Variants in SAMD5 observed in about 807,000 individuals in gnomAD.
SAMD5 encodes sterile alpha motif domain-containing protein 5.
A neutral mutation model predicts 11.3 loss-of-function variants in SAMD5; 13 were observed. That is an observed-to-expected ratio of 1.15 (90% CI 0.75 to 1.83). SAMD5 has a LOEUF of 1.83. Among genes scored for constraint, SAMD5 ranks in the 40% most tolerant of loss-of-function variants. The probability of loss-of-function intolerance (pLI) is 0.00; values close to 1 mark genes in which losing one functional copy is unlikely to be tolerated. For missense variants in SAMD5, 255 were observed against 239.1 expected (o/e 1.07, Z -0.44); for synonymous variants, 129 against 111.3 (o/e 1.16, Z -1.00).
At chr6:147,795,758 C>G in the SAMD5 span, among the ~76,000 whole-genome samples, 10,762 of 148,924 alleles carry the variant, frequency 0.072, 516 homozygotes, top group African/African-American at 0.14. Context: ...GATTGCCATT[C>G]TAACTGGTGT....
intron 1 of SAMD5, among the ~76,000 whole-genome samples, chr6:147,671,088 T>C (rs1790788266): frequency 6.6e-6 from 1 of 152,100 alleles, no homozygotes; most frequent in Admixed American, 6.6e-5. Context: ...CTCAGTGAAA[T>C]AGAGAGGCTT....
chr6:147,764,716 T>C, the SAMD5 span, among the ~76,000 whole-genome samples: 6 of 152,222 alleles, frequency 3.9e-5, no homozygotes, highest in East Asian at 1.9e-4. Context: ...ATTTTTCTTA[T>C]ATATAAAAAC....
At chr6:147,802,877 C>T in the SAMD5 span, among the ~76,000 whole-genome samples, 1 of 152,138 alleles carries the variant, frequency 6.6e-6, no homozygotes, top group South Asian at 2.1e-4. Context: ...GGGTGATTGC[C>T]TTTTGTGGAC....
chr6:147,808,083 T>C, the SAMD5 span, among the ~76,000 whole-genome samples: 2,183 of 152,332 alleles, frequency 0.014, 23 homozygotes, highest in Middle Eastern at 0.065. Context: ...CTAGACAAGC[T>C]GGTAGCATCA....
chr6:147,610,065 G>A (rs926792632), intron 1 of SAMD5, among the ~76,000 whole-genome samples: 6 of 152,140 alleles, frequency 3.9e-5, no homozygotes, highest in Non-Finnish European at 7.3e-5. Context: ...GCTGTGTGCT[G>A]TGCTCTATAA....
chr6:147,805,344 A>G, the SAMD5 span, among the ~76,000 whole-genome samples: 1 of 152,208 alleles, frequency 6.6e-6, no homozygotes, highest in African/African-American at 2.4e-5. Flanking sequence ...GTCTTTTTCA[A>G]TGTCACTCAT....
rs1041426455 is a variant in SAMD5 at position 147,724,745 on chromosome 6, A to G, written c.163-12572A>G. Among the ~76,000 whole-genome samples, 4 of 152,284 alleles carry G rather than the reference A, an allele frequency of 2.6e-5. No individual in the cohort carries two copies. In the East Asian group the frequency reaches 7.7e-4, roughly 29 times the overall value. ...AACAGCCTATTTGCAGTGTTGAAAA[A>G]AAATCAATTTTCATCTTCAAAAGAT... On this transcript the variant is annotated intron_variant, in intron 1 of 1. Transcript: ENST00000566741.
chr6:147,943,025 T>C, the SAMD5 span, among the ~76,000 whole-genome samples: 1 of 151,990 alleles, frequency 6.6e-6, no homozygotes, highest in African/African-American at 2.4e-5. Flanking sequence ...TTTGCTATAT[T>C]GGCCAGGCTG....
chr6:147,549,223 T>A (rs1252624435), intron 1 of SAMD5, among the ~76,000 whole-genome samples: 2 of 152,208 alleles, frequency 1.3e-5, no homozygotes, highest in Non-Finnish European at 2.9e-5. Context: ...GTTCAAATCA[T>A]CTTGGCCTGA....
chr6:147,828,665 C>T, the SAMD5 span, among the ~76,000 whole-genome samples: 1 of 152,214 alleles, frequency 6.6e-6, no homozygotes, highest in Non-Finnish European at 1.5e-5. Context: ...TCTCAGCTTG[C>T]AAACAGCCTA....
At chr6:147,909,773 A>C in the SAMD5 span, among the ~76,000 whole-genome samples, 3 of 152,000 alleles carry the variant, frequency 2.0e-5, no homozygotes. Context: ...CTGTGACAGA[A>C]AACTTATGCC....
intron 1 of SAMD5, among the ~76,000 whole-genome samples, chr6:147,714,455 A>G (rs962338290): frequency 6.6e-6 from 1 of 152,058 alleles, no homozygotes; most frequent in South Asian, 2.1e-4. Flanking sequence ...TCCTCCTTCT[A>G]TGGAGGAGTG....
chr6:147,742,927 A>C, the SAMD5 span, among the ~76,000 whole-genome samples: 4 of 152,170 alleles, frequency 2.6e-5, no homozygotes, highest in Non-Finnish European at 5.9e-5. Flanking sequence ...TGCTCTCTTT[A>C]TATGTGAAAG....
the SAMD5 span, among the ~76,000 whole-genome samples, chr6:147,845,120 G>A: frequency 1.3e-5 from 2 of 151,994 alleles, no homozygotes; most frequent in East Asian, 3.9e-4. Context: ...CAATTATTAA[G>A]TATCAATTAA....
chr6:147,760,362 TTTGA>T, the SAMD5 span, among the ~76,000 whole-genome samples: 15 of 152,294 alleles, frequency 9.8e-5, no homozygotes, highest in Non-Finnish European at 1.9e-4. Flanking sequence ...AAAGCTTATG[TTTGA>T]TTATTTTTTT....
At chr6:147,525,197 T>C (rs1230750156) in intron 1 of SAMD5, among the ~76,000 whole-genome samples, 16 of 150,620 alleles carry the variant, frequency 1.1e-4, no homozygotes, top group Admixed American at 9.3e-4. Context: ...CAAGAACTTA[T>C]TGTGGCAATA....
the SAMD5 span, among the ~76,000 whole-genome samples, chr6:147,793,124 C>G: frequency 6.3e-3 from 953 of 152,248 alleles, 5 homozygotes; most frequent in African/African-American, 0.022. Context: ...CTGACAAACA[C>G]TGTCTGAGCC....
rs186592357 is a variant in SAMD5, at chr6:147,666,569, C to T, written c.163-70748C>T. On this transcript the variant is annotated intron_variant, in intron 1 of 1. Coordinates refer to the SAMD5 transcript ENST00000566741. ...AAGCAGATGAGGACTGAAATAGTCT[C>T]CCCTGGCAGCCTCAGCAAGCCACAC... 7.9e-5 allele frequency among the ~76,000 whole-genome samples: 12 copies of T among 152,166 alleles called. No homozygotes were observed. The East Asian group carries it at 2.3e-3, about 29-fold the overall frequency.
the SAMD5 span, among the ~76,000 whole-genome samples, chr6:147,904,253 C>T: frequency 6.6e-6 from 1 of 152,166 alleles, no homozygotes; most frequent in Admixed American, 6.5e-5. Flanking sequence ...TAGTTTTCCC[C>T]ATTGGCGTGT....
Sources: allele counts gnomAD v4.1 joint callset (sites outside exome capture counted in the v4.1 genomes callset), GRCh38; gene constraint gnomAD v4.1.1; transcripts MANE v1.5; gene names NCBI Gene and HGNC (gene_info 2026-07-23, HGNC 2026-07-21).